SLC60A2: variants seen among roughly 807,000 people sequenced by gnomAD.
SLC60A2 encodes the protein solute carrier family 60 member 2.
At chr6:111,264,964 G>A in the SLC60A2 span, among the ~76,000 whole-genome samples, 10 of 152,012 alleles carry the variant, frequency 6.6e-5, no homozygotes, top group South Asian at 2.1e-4. Context: ...ATGGTGGCGC[G>A]TGCCTGTAAT....
the SLC60A2 span, chr6:111,269,115 T>G: frequency 6.6e-6 from 1 of 152,176 alleles, no homozygotes. Flanking sequence ...CCTGCCACAG[T>G]CTTGGTTCAT....
At chr6:111,262,473 A>T in the SLC60A2 span, 1 of 1,534,734 alleles carries the variant, frequency 6.5e-7, no homozygotes, top group Non-Finnish European at 9.0e-7. Flanking sequence ...AAGTGAATTT[A>T]CAAGTTGTCT....
chr6:111,262,416 T>C, the SLC60A2 span: 1 of 1,612,394 alleles, frequency 6.2e-7, no homozygotes, highest in Non-Finnish European at 8.5e-7. Flanking sequence ...GAATTATTTT[T>C]TACTTTTGGG....
At chr6:111,266,161 T>G in the SLC60A2 span, 2 of 1,612,668 alleles carry the variant, frequency 1.2e-6, no homozygotes, top group Non-Finnish European at 1.7e-6. Context: ...TCTGTCATTT[T>G]TTTTTGTCTG....
the SLC60A2 span, chr6:111,265,914 G>A: frequency 7.4e-6 from 12 of 1,613,450 alleles, no homozygotes; most frequent in Non-Finnish European, 1.0e-5. Context: ...GGGGGACAAA[G>A]GAGCCCCACA....
the SLC60A2 span, chr6:111,259,357 G>GA: frequency 3.1e-6 from 1 of 326,994 alleles, no homozygotes. Context: ...AGCGTCTTTT[G>GA]CCACGAACAC....
At chr6:111,266,129 C>T in the SLC60A2 span, 67 of 1,614,092 alleles carry the variant, frequency 4.2e-5, no homozygotes, top group Middle Eastern at 1.7e-4. Flanking sequence ...ATGCTGTTAT[C>T]GGTACTTACA....
the SLC60A2 span, among the ~76,000 whole-genome samples, chr6:111,261,288 A>G: frequency 1.3e-5 from 2 of 152,190 alleles, no homozygotes; most frequent in African/African-American, 4.8e-5. Context: ...GCTGTTTAAC[A>G]ACATAAAAAA....
the SLC60A2 span, among the ~76,000 whole-genome samples, chr6:111,264,262 G>T: frequency 6.6e-6 from 1 of 152,190 alleles, no homozygotes; most frequent in Non-Finnish European, 1.5e-5. Flanking sequence ...TCTTGGGGTA[G>T]AACTTTATTG....
At chr6:111,274,721 A>G in the SLC60A2 span, among the ~76,000 whole-genome samples, 1 of 151,940 alleles carries the variant, frequency 6.6e-6, no homozygotes, top group Non-Finnish European at 1.5e-5. Context: ...CATGATGGTG[A>G]TTATCATCTT....
At chr6:111,264,466 C>A in the SLC60A2 span, among the ~76,000 whole-genome samples, 77 of 152,154 alleles carry the variant, frequency 5.1e-4, no homozygotes, top group African/African-American at 1.8e-3. Flanking sequence ...GCAGTAGATT[C>A]TTTCCCGTAT....
the SLC60A2 span, among the ~76,000 whole-genome samples, chr6:111,260,312 A>G: frequency 5.3e-4 from 80 of 152,290 alleles, no homozygotes; most frequent in African/African-American, 1.8e-3. Context: ...TCAACCCCCA[A>G]ATTATTACAC....
At chr6:111,276,769 A>G in the SLC60A2 span, among the ~76,000 whole-genome samples, 1 of 152,190 alleles carries the variant, frequency 6.6e-6, no homozygotes, top group Non-Finnish European at 1.5e-5. Flanking sequence ...GAGAACGATA[A>G]ATGGGCTGCT....
the SLC60A2 span, among the ~76,000 whole-genome samples, chr6:111,260,629 T>A: frequency 6.6e-6 from 1 of 152,218 alleles, no homozygotes; most frequent in African/African-American, 2.4e-5. Context: ...ACTTGATAAT[T>A]ATGATCCTGG....
the SLC60A2 span, among the ~76,000 whole-genome samples, chr6:111,263,056 G>A: frequency 6.6e-6 from 1 of 151,988 alleles, no homozygotes; most frequent in African/African-American, 2.4e-5. Flanking sequence ...TCCCATCTCA[G>A]CCTTCCAATT....
At chr6:111,259,433 G>A in the SLC60A2 span, 1 of 406,270 alleles carries the variant, frequency 2.5e-6, no homozygotes, top group Non-Finnish European at 4.4e-6. Context: ...GGTGGCGCCC[G>A]GAGGGACACC....
At chr6:111,268,017 C>G in the SLC60A2 span, 1 of 152,156 alleles carries the variant, frequency 6.6e-6, no homozygotes. Context: ...TATCTCGCCT[C>G]CTGATCTGTG....
chr6:111,265,212 A>C, the SLC60A2 span: 1 of 848,978 alleles, frequency 1.2e-6, no homozygotes, highest in Non-Finnish European at 1.4e-6. Flanking sequence ...CTTTAGGGTT[A>C]ATTTTGTTAT....
chr6:111,279,490 C>T, the SLC60A2 span, among the ~76,000 whole-genome samples: 6,224 of 151,358 alleles, frequency 0.041, 349 homozygotes, highest in African/African-American at 0.13. Context: ...CCTCGTGATC[C>T]GCCCACCTCG....
Sources: allele counts gnomAD v4.1 joint callset (sites outside exome capture counted in the v4.1 genomes callset), GRCh38; gene constraint gnomAD v4.1.1; transcripts MANE v1.5; gene names NCBI Gene and HGNC (gene_info 2026-07-23, HGNC 2026-07-21).